The following PLEKHA5 variants were observed in gnomAD, a reference collection of about 807,000 sequenced individuals.
PLEKHA5 encodes the protein pleckstrin homology domain-containing family A member 5.
A neutral mutation model predicts 181.9 loss-of-function variants in PLEKHA5; 55 were observed. The observed-to-expected ratio is 0.30, with a 90% confidence interval of 0.24 to 0.38. PLEKHA5 has a LOEUF of 0.38. Ranked by LOEUF, PLEKHA5 falls within the 10% of genes least tolerant of loss-of-function variation. The probability of loss-of-function intolerance (pLI) is 1.00; values close to 1 mark genes in which losing one functional copy is unlikely to be tolerated. For synonymous variants in PLEKHA5, 535 were observed against 529.4 expected (o/e 1.01, Z -0.15); for missense variants, 1,432 against 1,549.5 (o/e 0.92, Z 1.27).
At chr12:19,353,823 A>G in intron 25 of PLEKHA5, 61 bp from the exon 26 acceptor site, 2 of 792,232 alleles carry the variant, frequency 2.5e-6, no homozygotes, top group Non-Finnish European at 4.4e-6. Context: ...TAAGTAAGCT[A>G]AAAGAAAGCA....
At chr12:19,367,755 ATTT>A (rs34285066) in intron 30 of PLEKHA5, among the ~76,000 whole-genome samples, 1 of 131,730 alleles carries the variant, frequency 7.6e-6, no homozygotes. Context: ...AATTTTTTGT[ATTT>A]TTTTTTTTTT....
chr12:19,160,044 A>G (rs1439273828), intron 3 of PLEKHA5, among the ~76,000 whole-genome samples: 14 of 152,074 alleles, frequency 9.2e-5, no homozygotes, highest in Admixed American at 9.2e-4. Flanking sequence ...GGGCCCCCAT[A>G]TAGCTCTCAT....
intron 15 of PLEKHA5, among the ~76,000 whole-genome samples, chr12:19,294,233 G>A (rs2638424): frequency 0.92 from 140,307 of 152,126 alleles, 65,362 homozygotes; most frequent in Non-Finnish European, 1. Flanking sequence ...TCTCTCCTTA[G>A]ATAATTTTAT....
chr12:19,245,621 G>A (rs1279617306), intron 3 of PLEKHA5, among the ~76,000 whole-genome samples: 5 of 150,706 alleles, frequency 3.3e-5, no homozygotes, highest in South Asian at 4.2e-4. Context: ...CCAGCTACTC[G>A]GGAGGCTGAG....
intron 22 of PLEKHA5, among the ~76,000 whole-genome samples, chr12:19,344,104 C>CTTAT (rs2094147598): frequency 6.6e-6 from 1 of 151,492 alleles, no homozygotes; most frequent in South Asian, 2.1e-4. Flanking sequence ...GGACCACTGT[C>CTTAT]GTATATGTAG....
chr12:19,316,083 G>A (rs900315063), intron 16 of PLEKHA5, among the ~76,000 whole-genome samples: 13 of 151,742 alleles, frequency 8.6e-5, no homozygotes, highest in Non-Finnish European at 1.9e-4. Context: ...GTACCACACC[G>A]AGAGTATTTG....
At chr12:19,169,694 C>T (rs989759905) in intron 3 of PLEKHA5, among the ~76,000 whole-genome samples, 7 of 152,216 alleles carry the variant, frequency 4.6e-5, no homozygotes, top group Non-Finnish European at 8.8e-5. Flanking sequence ...TTAAGGTCTT[C>T]CTAAACCTTG....
chr12:19,266,379 G>A (rs1323796657), intron 8 of PLEKHA5, among the ~76,000 whole-genome samples: 1 of 151,878 alleles, frequency 6.6e-6, no homozygotes, highest in Non-Finnish European at 1.5e-5. Flanking sequence ...AGCTACTTGG[G>A]AGGCCGAGGT....
chr12:19,213,092 C>T (rs189518901), intron 3 of PLEKHA5, among the ~76,000 whole-genome samples: 1 of 152,074 alleles, frequency 6.6e-6, no homozygotes, highest in African/African-American at 2.4e-5. Flanking sequence ...ATTCCAGACC[C>T]AGGTGACCTA....
At chr12:19,335,423 T>A (rs2093340217) in intron 20 of PLEKHA5, among the ~76,000 whole-genome samples, 1 of 129,562 alleles carries the variant, frequency 7.7e-6, no homozygotes, top group African/African-American at 3.2e-5. Context: ...ACTTTATTTA[T>A]TTTTTTTTTT....
chr12:19,185,092 CT>C lies in PLEKHA5; in HGVS notation c.227+52654del, dbSNP rs200690588. 6.6e-3 allele frequency among the ~76,000 whole-genome samples: 965 copies of C among 145,516 alleles called. 10 individuals carry two copies. The highest frequency in any genetic ancestry group is 0.026 in the East Asian group (132 of 5,012). ...TTAGAAATGTACTTCTTCTCTATAC[CT>C]TTTTTTTTTTTCTTTTAACATTGGT... On this transcript the variant is annotated intron_variant, in intron 3 of 31. Coordinates refer to ENST00000429027, the MANE Select transcript of PLEKHA5 (RefSeq NM_001256470.2).
chr12:19,304,857 G>A (rs2082710400), intron 15 of PLEKHA5, among the ~76,000 whole-genome samples: 1 of 151,882 alleles, frequency 6.6e-6, no homozygotes, highest in African/African-American at 2.4e-5. Flanking sequence ...CACTTTGGGA[G>A]GCCAACACGG....
chr12:19,299,364 C>T (rs1440459708), intron 15 of PLEKHA5, among the ~76,000 whole-genome samples: 1 of 152,128 alleles, frequency 6.6e-6, no homozygotes, highest in Non-Finnish European at 1.5e-5. Flanking sequence ...CAAAGGCTAC[C>T]ATAACACCTT....
At chr12:19,364,096 C>T (rs1327419545) in intron 29 of PLEKHA5, among the ~76,000 whole-genome samples, 9 of 152,060 alleles carry the variant, frequency 5.9e-5, no homozygotes, top group Non-Finnish European at 1.3e-4. Context: ...ACTTTTAATT[C>T]CAAAACTTGG....
At chr12:19,307,024 G>T (rs2084088508) in intron 15 of PLEKHA5, 2 of 1,488,150 alleles carry the variant, frequency 1.3e-6, no homozygotes, top group South Asian at 2.3e-5. Flanking sequence ...TCTTGTTCCT[G>T]CCCTTGCTGC....
intron 2 of PLEKHA5, among the ~76,000 whole-genome samples, chr12:19,131,722 T>C (rs1480057203): frequency 6.6e-6 from 1 of 152,148 alleles, no homozygotes; most frequent in Non-Finnish European, 1.5e-5. Flanking sequence ...TCTGGTTTTG[T>C]ACACACATCG....
chr12:19,366,646 CCTT>C (rs752665852), intron 30 of PLEKHA5, among the ~76,000 whole-genome samples: 3 of 152,022 alleles, frequency 2.0e-5, no homozygotes, highest in Non-Finnish European at 2.9e-5. Context: ...GAGCGAGACT[CCTT>C]CTCAGAAAAG....
intron 26 of PLEKHA5, 26 bp downstream of exon 26, chr12:19,354,028 A>G (rs754013398): frequency 2.7e-6 from 3 of 1,105,562 alleles, no homozygotes; most frequent in Non-Finnish European, 4.1e-6. Flanking sequence ...TTAATCTTCT[A>G]GGAAGATTCT....
intron 3 of PLEKHA5, among the ~76,000 whole-genome samples, chr12:19,145,298 A>G (rs185168629): frequency 6.6e-6 from 1 of 152,260 alleles, no homozygotes; most frequent in Admixed American, 6.5e-5. Flanking sequence ...GTATTTGAAT[A>G]GGAGTAGCAC....
Sources: gnomAD v4.1 joint callset for allele counts (sites outside exome capture counted in the v4.1 genomes callset) on GRCh38, gnomAD v4.1.1 for gene constraint, MANE v1.5 for transcripts, NCBI Gene and HGNC (gene_info 2026-07-23, HGNC 2026-07-21) for gene names.